BRMS1L: variants seen among roughly 807,000 people sequenced by gnomAD.
BRMS1L encodes BRMS1 like transcriptional repressor, also known as breast cancer metastasis-suppressor 1-like protein.
In BRMS1L, 23 loss-of-function variants were observed where a neutral mutation model predicts 50.3. The ratio of observed to expected loss-of-function variants is 0.46; its 90% CI spans 0.33 to 0.65. The LOEUF (loss-of-function observed/expected upper bound fraction) is 0.65. Among genes scored for constraint, BRMS1L ranks in the 30% least tolerant of loss-of-function variants. The pLI, the probability that BRMS1L is intolerant of heterozygous loss-of-function variation, is 0.02. For missense variants in BRMS1L, 286 were observed against 386.1 expected (o/e 0.74, Z 2.17); for synonymous variants, 114 against 126.9 (o/e 0.90, Z 0.69).
At position 35,850,908 on chromosome 14, in the gene BRMS1L, G is replaced by A. The variant is rs2078203970; in HGVS notation, c.442-11682G>A. On this transcript the variant is annotated intron_variant, in intron 4 of 9. Coordinates refer to ENST00000216807, the MANE Select transcript of BRMS1L (RefSeq NM_032352.4). ...GTCCCCCAAAACGTCATTTAGTTTT[G>A]TTTTGTTCAGTTTTATTTTTCAACT... is the stretch of plus-strand genomic sequence containing the variant. Among the ~76,000 whole-genome samples the A allele has an allele frequency of 2.0e-5, 3 of 152,092 alleles. No individual in the cohort carries two copies. The South Asian group carries it at 6.2e-4, about 32-fold the overall frequency.
chr14:35,859,764 C>T (rs1566427892), intron 4 of BRMS1L, among the ~76,000 whole-genome samples: 2 of 152,180 alleles, frequency 1.3e-5, no homozygotes, highest in Non-Finnish European at 2.9e-5. Context: ...ATCCTCCTGC[C>T]TCAGTTGCCT....
At chr14:35,844,452 C>T (rs1254109743) in intron 4 of BRMS1L, among the ~76,000 whole-genome samples, 1 of 152,180 alleles carries the variant, frequency 6.6e-6, no homozygotes. Context: ...AGTTTCCCAA[C>T]ACCTTATGCT....
At chr14:35,836,620 G>A (rs913536559) in intron 4 of BRMS1L, among the ~76,000 whole-genome samples, 2 of 152,198 alleles carry the variant, frequency 1.3e-5, no homozygotes, top group African/African-American at 4.8e-5. Context: ...GAGATTACAG[G>A]TGTGAGCCAA....
At chr14:35,826,762 A>C in intron 1 of BRMS1L, 104 bp downstream of exon 1, 1 of 1,498,040 alleles carries the variant, frequency 6.7e-7, no homozygotes, top group South Asian at 1.3e-5. Flanking sequence ...CGGGGCGGGG[A>C]CAGAGGGAAG....
intron 4 of BRMS1L, among the ~76,000 whole-genome samples, chr14:35,855,924 A>G (rs1187700808): frequency 6.6e-6 from 1 of 152,262 alleles, no homozygotes; most frequent in East Asian, 1.9e-4. Flanking sequence ...GGGTCACACA[A>G]TTAATGAGCA....
intron 8 of BRMS1L, 104 bp downstream of exon 8, chr14:35,865,865 A>G (rs746795991): frequency 1.1e-5 from 11 of 985,694 alleles, no homozygotes; most frequent in Middle Eastern, 2.1e-4. Context: ...GTTTTATTTC[A>G]TCAGTGAACA....
At position 35,834,847 on chromosome 14, in the gene BRMS1L, T is replaced by G; in HGVS notation, c.365T>G (p.Ile122Ser). The part of the protein sequence containing the change: ...NMQIRTKVAG[I>S]YRELCLESVK... ...GAGTAATTGTGTTTGGTTGCAGGAA[T>G]CTATAGAGAGCTCTGCTTAGAATCT... is the stretch of plus-strand genomic sequence containing the variant. Residue 122 changes from isoleucine (I) to serine (S), a missense_variant, in exon 4 of 10, where the codon ATC becomes AGC. Around this residue, in one of 5 missense-constraint regions of BRMS1L, gnomAD observed 160 missense variants for 240.6 expected, o/e 0.66. Coordinates refer to ENST00000216807, the MANE Select transcript of BRMS1L (RefSeq NM_032352.4). The G allele has an allele frequency of 6.4e-7, 1 of 1,562,108 alleles. No homozygotes were observed.
chr14:35,828,504 G>C (rs1410300817), intron 1 of BRMS1L, among the ~76,000 whole-genome samples: 1 of 62,060 alleles, frequency 1.6e-5, no homozygotes, highest in African/African-American at 6.8e-5. Flanking sequence ...AAGGAGTTTT[G>C]CTCTTGGCAC....
At chr14:35,829,872 A>G (rs2077895551) in intron 1 of BRMS1L, 1 of 1,218,472 alleles carries the variant, frequency 8.2e-7, no homozygotes, top group Non-Finnish European at 1.0e-6. Flanking sequence ...TATATGTGAT[A>G]TGAACATAGA....
rs150355113 is a variant in BRMS1L, at chr14:35,836,120, C to T, written c.441+1197C>T. Among the ~76,000 whole-genome samples, 18 of 152,138 alleles carry T rather than the reference C, an allele frequency of 1.2e-4. 1 individual carries two copies. The highest frequency in any genetic ancestry group is 3.9e-4 in the African/African-American group (16 of 41,528). ...TTGGATATTTTTTCCTAAGAAGTGC[C>T]TATTTGTATTTCTTGCCTTTGTGTT... On this transcript the variant is annotated intron_variant, in intron 4 of 9. Coordinates refer to ENST00000216807, the MANE Select transcript of BRMS1L (RefSeq NM_032352.4).
At chr14:35,829,659 C>G (rs1341314528) in intron 1 of BRMS1L, 1 of 325,180 alleles carries the variant, frequency 3.1e-6, no homozygotes, top group Non-Finnish European at 5.7e-6. Flanking sequence ...CTTGAGGGAC[C>G]AAGTTTTGAG....
At chr14:35,864,556 G>C (rs565053747) in intron 6 of BRMS1L, among the ~76,000 whole-genome samples, 2 of 152,188 alleles carry the variant, frequency 1.3e-5, no homozygotes, top group Non-Finnish European at 1.5e-5. Context: ...GCCTAGCCTC[G>C]TATACTTTTT....
At position 35,826,426 on chromosome 14, in the gene BRMS1L, T is replaced by C; in HGVS notation, c.-91T>C. The stretch of plus-strand genomic sequence containing the variant: ...CAAGGGGGCGAGCAAGCTCGGTGGC[T>C]GGGTGGGTTGGGGCGTTCCGCGCGC... On this transcript the variant is annotated 5_prime_UTR_variant, in exon 1 of 10. Coordinates refer to ENST00000216807, the MANE Select transcript of BRMS1L (RefSeq NM_032352.4). The C allele has an allele frequency of 6.5e-7, 1 of 1,531,232 alleles. No homozygotes were observed. Among genetic ancestry groups the C allele is most frequent in the Non-Finnish European group, 8.8e-7 (1 of 1,138,050 alleles). 94.9% of individuals were successfully genotyped at this position (1,531,232 alleles called of 1,614,324 possible). A position where few individuals can be genotyped will look rare whatever the true frequency, so the allele number is the denominator to read the frequency against.
chr14:35,828,407 C>T (rs367678575), intron 1 of BRMS1L, among the ~76,000 whole-genome samples: 10 of 150,088 alleles, frequency 6.7e-5, no homozygotes, highest in Non-Finnish European at 1.2e-4. Flanking sequence ...CTCCTGACCT[C>T]GTGATCCACC....
chr14:35,845,309 G>A lies in BRMS1L; in HGVS notation c.441+10386G>A, dbSNP rs147085446. Among the ~76,000 whole-genome samples the A allele has an allele frequency of 1.7e-3, 261 of 152,222 alleles. 2 individuals carry two copies. The highest frequency in any genetic ancestry group is 6.0e-3 in the African/African-American group (249 of 41,524). ...ATCGTTGTTATATTCTTGCTCTTAAGGGAATGCTTCTAACATTTTTCCAAC... is the reference window on the plus strand; with the variant it reads ...ATCGTTGTTATATTCTTGCTCTTAAAGGAATGCTTCTAACATTTTTCCAAC... On this transcript the variant is annotated intron_variant, in intron 4 of 9. Transcript: ENST00000216807.
intron 2 of BRMS1L, among the ~76,000 whole-genome samples, chr14:35,831,936 T>C (rs922133784): frequency 2.6e-5 from 4 of 151,464 alleles, no homozygotes; most frequent in Admixed American, 1.3e-4. Context: ...AAAAAAAAAT[T>C]AGTTCTGTCC....
At chr14:35,837,210 G>A (rs2078006605) in intron 4 of BRMS1L, among the ~76,000 whole-genome samples, 1 of 151,722 alleles carries the variant, frequency 6.6e-6, no homozygotes, top group Non-Finnish European at 1.5e-5. Context: ...AGCTGAGATC[G>A]TGCCATTGCA....
chr14:35,828,840 T>C (rs567830623), intron 1 of BRMS1L, among the ~76,000 whole-genome samples: 4 of 152,196 alleles, frequency 2.6e-5, no homozygotes, highest in East Asian at 3.9e-4. Context: ...CTGCCCGATA[T>C]GGGAAGGGGA....
chr14:35,843,092 G>C (rs2078087922), intron 4 of BRMS1L, among the ~76,000 whole-genome samples: 1 of 152,138 alleles, frequency 6.6e-6, no homozygotes, highest in Non-Finnish European at 1.5e-5. Context: ...CTTTTATCAA[G>C]GTTCTTAGCT....
Sources: gnomAD v4.1 joint callset for allele counts (sites outside exome capture counted in the v4.1 genomes callset) on GRCh38, gnomAD v4.1.1 for gene constraint, gnomAD v4.1.1 regional missense constraint, MANE v1.5 for transcripts, NCBI Gene and HGNC (gene_info 2026-07-23, HGNC 2026-07-21) for gene names.